Variants in PITPNC1 observed in about 807,000 individuals in gnomAD.
PITPNC1 encodes the protein phosphatidylinositol transfer protein cytoplasmic 1.
PITPNC1 carries 18 observed loss-of-function variants against 44.7 expected under a neutral mutation model. That is an observed-to-expected ratio of 0.40 (90% CI 0.28 to 0.60). The LOEUF (loss-of-function observed/expected upper bound fraction) is 0.60. Among genes scored for constraint, PITPNC1 ranks in the 20% least tolerant of loss-of-function variants. The probability of loss-of-function intolerance (pLI) is 0.39; values close to 1 mark genes in which losing one functional copy is unlikely to be tolerated. For missense variants in PITPNC1, 290 were observed against 418.4 expected (o/e 0.69, Z 2.68); for synonymous variants, 141 against 149.6 (o/e 0.94, Z 0.42).
chr17:67,474,517 C>T (rs765856067), intron 1 of PITPNC1, among the ~76,000 whole-genome samples: 2 of 152,024 alleles, frequency 1.3e-5, no homozygotes, highest in Non-Finnish European at 2.9e-5. Context: ...TGCTTTAGTG[C>T]CCTCTCCTGT....
At chr17:67,435,152 G>A (rs1450011081) in intron 1 of PITPNC1, among the ~76,000 whole-genome samples, 1 of 151,260 alleles carries the variant, frequency 6.6e-6, no homozygotes, top group Non-Finnish European at 1.5e-5. Flanking sequence ...CTCAAGATCT[G>A]GTCAGACTCC....
At chr17:67,464,175 A>T (rs538123159) in intron 1 of PITPNC1, among the ~76,000 whole-genome samples, 6 of 151,310 alleles carry the variant, frequency 4.0e-5, no homozygotes, top group African/African-American at 1.5e-4. Flanking sequence ...CCTGGGCGAC[A>T]GAACGAGACT....
At chr17:67,444,716 G>C (rs1447406584) in intron 1 of PITPNC1, among the ~76,000 whole-genome samples, 1 of 152,010 alleles carries the variant, frequency 6.6e-6, no homozygotes, top group Non-Finnish European at 1.5e-5. Context: ...GGCCAACATG[G>C]TGAAACCCTG....
intron 1 of PITPNC1, among the ~76,000 whole-genome samples, chr17:67,495,714 T>C (rs1183792780): frequency 6.6e-6 from 1 of 152,250 alleles, no homozygotes; most frequent in African/African-American, 2.4e-5. Flanking sequence ...GGACGTGATC[T>C]CAATTCCTTT....
chr17:67,388,402 A>G (rs1752830411), intron 1 of PITPNC1, among the ~76,000 whole-genome samples: 2 of 149,928 alleles, frequency 1.3e-5, no homozygotes, highest in Admixed American at 6.7e-5. Flanking sequence ...GCTCACTGCA[A>G]CCTCTGCCTC....
intron 1 of PITPNC1, among the ~76,000 whole-genome samples, chr17:67,423,444 T>C (rs2038699496): frequency 6.6e-6 from 1 of 152,142 alleles, no homozygotes; most frequent in South Asian, 2.1e-4. Flanking sequence ...AAGGCAAGGA[T>C]GTGGGCTTGG....
At chr17:67,397,312 C>T (rs981691759) in intron 1 of PITPNC1, among the ~76,000 whole-genome samples, 1 of 151,962 alleles carries the variant, frequency 6.6e-6, no homozygotes, top group Non-Finnish European at 1.5e-5. Context: ...AGAGAGAGTT[C>T]AGTACTGGTT....
At position 67,692,896 on chromosome 17, in the gene PITPNC1, T is replaced by C. The variant is rs2042955656; in HGVS notation, c.*8T>C. On this transcript the variant is annotated 3_prime_UTR_variant, in exon 9 of 9. Coordinates refer to ENST00000581322, the MANE Select transcript of PITPNC1 (RefSeq NM_012417.4). The stretch of plus-strand genomic sequence containing the variant: ...CGGCCCAAATCTGAGTAACTTTATA[T>C]AAATATCTCATGGGGTTTTATATTT... The C allele has an allele frequency of 6.7e-7, 1 of 1,491,148 alleles. No individual in the cohort carries two copies. The highest frequency in any genetic ancestry group is 9.2e-7 in the Non-Finnish European group (1 of 1,081,088). 92.4% of individuals were successfully genotyped at this position (1,491,148 alleles called of 1,614,324 possible). A position where few individuals can be genotyped will look rare whatever the true frequency, so the allele number is the denominator to read the frequency against.
At chr17:67,521,853 G>A (rs1233533798) in intron 1 of PITPNC1, among the ~76,000 whole-genome samples, 1 of 152,214 alleles carries the variant, frequency 6.6e-6, no homozygotes, top group Non-Finnish European at 1.5e-5. Flanking sequence ...GTTCATTGAG[G>A]AATGTGTTCT....
intron 1 of PITPNC1, among the ~76,000 whole-genome samples, chr17:67,416,186 C>CTTGTTT (rs1038269219): frequency 2.3e-5 from 3 of 128,140 alleles, no homozygotes; most frequent in African/African-American, 8.6e-5. Context: ...TCTCCCTTTC[C>CTTGTTT]TTGTTTACAT....
At chr17:67,626,819 GAAAAAA>G (rs35662161) in intron 5 of PITPNC1, among the ~76,000 whole-genome samples, 2 of 118,048 alleles carry the variant, frequency 1.7e-5, no homozygotes, top group Non-Finnish European at 3.7e-5. Flanking sequence ...TCAGACTCAT[GAAAAAA>G]AAAAAAAAAA....
intron 1 of PITPNC1, among the ~76,000 whole-genome samples, chr17:67,470,816 AAAG>A (rs1386803309): frequency 2.0e-5 from 3 of 149,394 alleles, no homozygotes; most frequent in Non-Finnish European, 3.0e-5. Flanking sequence ...GTCTGTGTAG[AAAG>A]AAGTAGACAT....
chr17:67,400,743 G>A (rs1266503860), intron 1 of PITPNC1, among the ~76,000 whole-genome samples: 1 of 150,740 alleles, frequency 6.6e-6, no homozygotes, highest in Non-Finnish European at 1.5e-5. Flanking sequence ...TAAATGAAAG[G>A]CCTCTTTTTA....
At chr17:67,461,478 A>G (rs532169683) in intron 1 of PITPNC1, among the ~76,000 whole-genome samples, 3 of 152,304 alleles carry the variant, frequency 2.0e-5, no homozygotes, top group Admixed American at 1.3e-4. Context: ...TACATATCAC[A>G]CAGGATGTGT....
intron 6 of PITPNC1, among the ~76,000 whole-genome samples, chr17:67,663,467 G>A (rs1317180459): frequency 6.6e-6 from 1 of 152,060 alleles, no homozygotes; most frequent in Non-Finnish European, 1.5e-5. Context: ...CTACTCGGAA[G>A]GCTAAGGCAG....
intron 1 of PITPNC1, among the ~76,000 whole-genome samples, chr17:67,469,749 A>G (rs1425358584): frequency 1.3e-5 from 2 of 152,172 alleles, no homozygotes; most frequent in Non-Finnish European, 2.9e-5. Flanking sequence ...GGACCTAGAA[A>G]GGGCATCAGG....
At chr17:67,625,387 C>T (rs78811439) in intron 5 of PITPNC1, among the ~76,000 whole-genome samples, 2 of 152,120 alleles carry the variant, frequency 1.3e-5, no homozygotes, top group Admixed American at 6.5e-5. Flanking sequence ...CGCATCCTAA[C>T]GTGACCTCAG....
At chr17:67,622,876 A>T (rs1247435686) in intron 5 of PITPNC1, among the ~76,000 whole-genome samples, 1 of 150,678 alleles carries the variant, frequency 6.6e-6, no homozygotes, top group Non-Finnish European at 1.5e-5. Flanking sequence ...TAAAAAAAAA[A>T]TAGCGATAAT....
intron 4 of PITPNC1, among the ~76,000 whole-genome samples, chr17:67,567,399 G>A (rs900253708): frequency 6.6e-6 from 1 of 152,064 alleles, no homozygotes; most frequent in Non-Finnish European, 1.5e-5. Flanking sequence ...CAGGAGAATG[G>A]CATGAACCTG....
Sources: allele counts gnomAD v4.1 joint callset (sites outside exome capture counted in the v4.1 genomes callset), GRCh38; gene constraint gnomAD v4.1.1; transcripts MANE v1.5; gene names NCBI Gene and HGNC (gene_info 2026-07-23, HGNC 2026-07-21).